Variants in PDK3 observed in about 807,000 individuals in gnomAD.
PDK3 encodes the protein pyruvate dehydrogenase kinase 3, also known as pyruvate dehydrogenase kinase, isozyme 3.
In PDK3, 12 loss-of-function variants were observed where a neutral mutation model predicts 32.0. The observed-to-expected ratio is 0.37, with a 90% CI of 0.24 to 0.61. The LOEUF is 0.61. Among genes scored for constraint, PDK3 ranks in the 20% least tolerant of loss-of-function variants. The probability of loss-of-function intolerance (pLI) is 0.65; values close to 1 mark genes in which losing one functional copy is unlikely to be tolerated. For synonymous variants in PDK3, 122 were observed against 116.3 expected (o/e 1.05, Z -0.31); for missense variants, 188 against 316.9 (o/e 0.59, Z 3.09).
At chrX:24,489,921 C>G (rs1317883370) in intron 1 of PDK3, among the ~76,000 whole-genome samples, 1 of 110,413 alleles carries the variant, frequency 9.1e-6, no homozygotes, top group Non-Finnish European at 1.9e-5. Flanking sequence ...ATTTGGTTCT[C>G]TTAGACCATG....
At chrX:24,472,978 C>T (rs1444436500) in intron 1 of PDK3, among the ~76,000 whole-genome samples, 1 of 109,467 alleles carries the variant, frequency 9.1e-6, no homozygotes, top group Non-Finnish European at 1.9e-5. Context: ...TGAGCCACAG[C>T]CCCTGGCCTG....
chrX:24,545,544 C>G (rs1422499107), exon 12 of PDK3: 1 of 111,639 alleles, frequency 9.0e-6, no homozygotes, highest in African/African-American at 3.3e-5. Context: ...CTTCAGAGCT[C>G]TAGCATAATG....
At chrX:24,486,034 G>A (rs188482850) in intron 1 of PDK3, among the ~76,000 whole-genome samples, 11 of 112,014 alleles carry the variant, frequency 9.8e-5, no homozygotes, top group African/African-American at 2.6e-4. Context: ...AGAGAAGATC[G>A]CATTTTCCAA....
At chrX:24,505,514 G>C (rs758494981) in intron 5 of PDK3, among the ~76,000 whole-genome samples, 1 of 111,999 alleles carries the variant, frequency 8.9e-6, no homozygotes, top group South Asian at 3.7e-4. Flanking sequence ...GGCTCAAAAT[G>C]TGAGTTTCTA....
chrX:24,491,753 G>A (rs1049275165), intron 1 of PDK3, among the ~76,000 whole-genome samples: 2 of 111,014 alleles, frequency 1.8e-5, no homozygotes, highest in Non-Finnish European at 3.8e-5. Flanking sequence ...CCAGGAGTTC[G>A]AGACCAGCCT....
chrX:24,474,135 T>G (rs1189975129), intron 1 of PDK3, among the ~76,000 whole-genome samples: 2 of 111,403 alleles, frequency 1.8e-5, no homozygotes, highest in Non-Finnish European at 3.8e-5. Flanking sequence ...TCCAGTTACT[T>G]TTGCACAGCC....
chrX:24,529,336 G>A (rs761050461), intron 9 of PDK3, among the ~76,000 whole-genome samples: 7 of 111,577 alleles, frequency 6.3e-5, no homozygotes, highest in Non-Finnish European at 1.3e-4. Flanking sequence ...TAACGCATGC[G>A]CACTCCCATT....
intron 10 of PDK3, among the ~76,000 whole-genome samples, chrX:24,532,269 A>G (rs923481575): frequency 2.7e-5 from 3 of 111,250 alleles, no homozygotes; most frequent in African/African-American, 9.8e-5. Context: ...CCATCTCAAA[A>G]GAGAAAAAAA....
intron 1 of PDK3, among the ~76,000 whole-genome samples, chrX:24,476,694 A>G (rs1028925447): frequency 4.5e-5 from 5 of 112,111 alleles, no homozygotes; most frequent in African/African-American, 1.6e-4. Flanking sequence ...ATTATCACCT[A>G]AAGTCCATAG....
chrX:24,508,735 TG>T (rs1199490408), intron 5 of PDK3, among the ~76,000 whole-genome samples: 1 of 111,155 alleles, frequency 9.0e-6, no homozygotes, highest in African/African-American at 3.3e-5. Flanking sequence ...TTTTTGGAGA[TG>T]GAGTCTCGCT....
At chrX:24,525,030 A>G (rs868510802) in intron 6 of PDK3, among the ~76,000 whole-genome samples, 53 of 110,099 alleles carry the variant, frequency 4.8e-4, no homozygotes, top group South Asian at 7.9e-4. Context: ...GGCGGCGCAC[A>G]CCTGTAATCC....
At chrX:24,540,889 CTTTTTTTTTTTTTTTTTTTTTTTTT>C (rs369307335) in exon 12 of PDK3, among the ~76,000 whole-genome samples, 13,566 of 36,751 alleles carry the variant, frequency 0.37, 1,365 homozygotes, top group Middle Eastern at 0.45. Flanking sequence ...CCCTAGCTTC[CTTTTTTTTTTTTTTTTTTTTTTTTT>C]TTTTTTTTTT....
intron 1 of PDK3, among the ~76,000 whole-genome samples, chrX:24,483,464 C>G (rs1386700534): frequency 8.9e-6 from 1 of 111,890 alleles, no homozygotes; most frequent in Middle Eastern, 4.2e-3. Context: ...CATGTCTCTT[C>G]CACTCTCTGG....
intron 1 of PDK3, among the ~76,000 whole-genome samples, chrX:24,487,400 G>A (rs754425901): frequency 3.6e-5 from 4 of 111,704 alleles, no homozygotes; most frequent in South Asian, 3.7e-4. Context: ...AAGTGGGCGC[G>A]GGTTGAAAAA....
chrX:24,469,420 A>G (rs771893513), intron 1 of PDK3, among the ~76,000 whole-genome samples: 1 of 110,755 alleles, frequency 9.0e-6, no homozygotes, highest in South Asian at 3.8e-4. Flanking sequence ...TAAAAAAAAA[A>G]TGATATATCT....
chrX:24,478,556 C>T (rs896238571), intron 1 of PDK3, among the ~76,000 whole-genome samples: 2 of 111,893 alleles, frequency 1.8e-5, no homozygotes, highest in Non-Finnish European at 3.8e-5. Flanking sequence ...TACTTGCCTT[C>T]GTGGGAGAGC....
intron 1 of PDK3, among the ~76,000 whole-genome samples, chrX:24,479,888 A>T (rs1439950517): frequency 8.9e-6 from 1 of 112,176 alleles, no homozygotes; most frequent in Non-Finnish European, 1.9e-5. Flanking sequence ...ACAGGATATC[A>T]TCTAATTCTC....
chrX:24,499,051 T>C (rs1029097363), intron 3 of PDK3, 151 bp downstream of exon 3: 29 of 353,754 alleles, frequency 8.2e-5, no homozygotes, highest in Non-Finnish European at 1.2e-4. Flanking sequence ...TGAGTTTTTT[T>C]TTTTTAATTC....
intron 2 of PDK3, 31 bp from the exon 3 acceptor site, chrX:24,498,798 T>C: frequency 1.1e-6 from 1 of 945,924 alleles, no homozygotes; most frequent in Non-Finnish European, 1.5e-6. Context: ...ACATAGTAAC[T>C]CTTCTTTTTC....
Sources: allele counts gnomAD v4.1 joint callset (sites outside exome capture counted in the v4.1 genomes callset), GRCh38; gene constraint gnomAD v4.1.1; transcripts MANE v1.5; gene names NCBI Gene and HGNC (gene_info 2026-07-23, HGNC 2026-07-21).